Variants in TTC3 observed in about 807,000 individuals in gnomAD.
The protein encoded by TTC3 is E3 ubiquitin-protein ligase TTC3.
A neutral mutation model predicts 249.6 loss-of-function variants in TTC3; 180 were observed. The ratio of observed to expected loss-of-function variants is 0.72; its 90% CI spans 0.64 to 0.82. The LOEUF is 0.82. Ranked by LOEUF, TTC3 falls within the 40% of genes least tolerant of loss-of-function variation. The pLI is 0.00. For synonymous variants in TTC3, 717 were observed against 805.0 expected, an observed-to-expected ratio of 0.89 and a Z score of 1.85; for missense variants, 2,061 against 2,398.4, an observed-to-expected ratio of 0.86 and a Z score of 2.94.
chr21:37,144,032 G>T (rs1379287703), intron 20 of TTC3, among the ~76,000 whole-genome samples: 1 of 151,736 alleles, frequency 6.6e-6, no homozygotes, highest in African/African-American at 2.4e-5. Flanking sequence ...TCGTAGGTGG[G>T]AATTGAACAA....
At chr21:37,079,742 C>T (rs993715686) in intron 1 of TTC3, among the ~76,000 whole-genome samples, 1 of 151,850 alleles carries the variant, frequency 6.6e-6, no homozygotes, top group African/African-American at 2.4e-5. Context: ...CCATGTTGGC[C>T]AGGCTCTTCA....
intron 11 of TTC3, among the ~76,000 whole-genome samples, chr21:37,109,716 G>T (rs181223443): frequency 0.013 from 1,957 of 152,310 alleles, 39 homozygotes; most frequent in African/African-American, 0.044. Flanking sequence ...GAGAGTAGTG[G>T]TTCTCCCAGC....
chr21:37,160,899 CA>C lies in TTC3; in HGVS notation c.3096+45del, dbSNP rs775303330. 1.3e-3 allele frequency: 2,083 copies of C among 1,581,154 alleles called. 4 individuals carry two copies. Among genetic ancestry groups the C allele is most frequent in the Non-Finnish European group, 1.7e-3 (1,980 of 1,158,534 alleles). ...TGTATTAATTCTTGTCTAAACTCTC[CA>C]AAATAGTTAGTTGGACATATACATT... On this transcript the variant is annotated intron_variant, in intron 30 of 45. Coordinates refer to ENST00000355666, the Ensembl canonical transcript of TTC3.
At chr21:37,201,493 T>C in exon 46 of TTC3, 4 of 1,614,042 alleles carry the variant, frequency 2.5e-6, no homozygotes, top group Non-Finnish European at 3.4e-6. Flanking sequence ...GCCAGGGTCG[T>C]GATCTCCTGA....
At chr21:37,094,329 T>C (rs1294312946) in intron 8 of TTC3, among the ~76,000 whole-genome samples, 1 of 152,206 alleles carries the variant, frequency 6.6e-6, no homozygotes, top group Non-Finnish European at 1.5e-5. Flanking sequence ...TGATTTTCTT[T>C]GGTAACAGCT....
intron 28 of TTC3, chr21:37,157,186 A>G (rs1401107116): frequency 7.3e-7 from 1 of 1,361,774 alleles, no homozygotes; most frequent in Non-Finnish European, 9.7e-7. Flanking sequence ...CATGGGAAAG[A>G]TTGCATGTTA....
At chr21:37,082,989 T>C (rs1601245357) in intron 1 of TTC3, 1 of 985,362 alleles carries the variant, frequency 1.0e-6, no homozygotes, top group Non-Finnish European at 1.2e-6. Context: ...AGATGGCAAA[T>C]GGATTGCACA....
At chr21:37,113,066 C>T (rs1328119149) in intron 11 of TTC3, among the ~76,000 whole-genome samples, 1 of 152,186 alleles carries the variant, frequency 6.6e-6, no homozygotes, top group Non-Finnish European at 1.5e-5. Context: ...CTAGCTATGA[C>T]AAACCCACAG....
At chr21:37,082,799 C>G (rs2071883576) in intron 1 of TTC3, 1 of 977,768 alleles carries the variant, frequency 1.0e-6, no homozygotes, top group Non-Finnish European at 1.2e-6. Context: ...CTGATGGGAT[C>G]AGAAGCTCTT....
intron 45 of TTC3, 86 bp from the exon 46 acceptor site, chr21:37,201,354 G>T (rs562961120): frequency 8.9e-6 from 14 of 1,571,562 alleles, no homozygotes; most frequent in South Asian, 5.6e-5. Context: ...AGTGAGCCAC[G>T]CCTGCCAAGG....
rs536478413 is a variant in TTC3 at position 37,097,514 on chromosome 21, A to G, written c.845+871A>G. On this transcript the variant is annotated intron_variant, in intron 10 of 45. Transcript: ENST00000355666. ...CCTGCATAGGTATTAGTTATAATTC[A>G]TATTTGCCTCTGACCTTCAGCTACC... Among the ~76,000 whole-genome samples, 404 of 152,354 alleles carry G rather than the reference A, an allele frequency of 2.7e-3. 1 individual carries two copies. Among genetic ancestry groups the G allele is most frequent in the Non-Finnish European group, 3.4e-3 (229 of 68,040 alleles).
chr21:37,177,902 G>A (rs188168700), intron 35 of TTC3, among the ~76,000 whole-genome samples: 1 of 152,280 alleles, frequency 6.6e-6, no homozygotes, highest in East Asian at 1.9e-4. Context: ...AGGTCTGTGT[G>A]TAGCACAATC....
At chr21:37,113,297 C>T (rs1182122955) in intron 11 of TTC3, among the ~76,000 whole-genome samples, 4 of 152,218 alleles carry the variant, frequency 2.6e-5, no homozygotes, top group African/African-American at 9.7e-5. Flanking sequence ...ACCCCATCGT[C>T]TCAGCCCAAA....
At chr21:37,127,750 A>G (rs2077148560) in intron 15 of TTC3, among the ~76,000 whole-genome samples, 1 of 151,836 alleles carries the variant, frequency 6.6e-6, no homozygotes, top group East Asian at 1.9e-4. Flanking sequence ...AGCCATTTCT[A>G]TTTTTTGTGA....
chr21:37,096,693 AT>A, intron 10 of TTC3, 50 bp downstream of exon 10: 1 of 1,403,324 alleles, frequency 7.1e-7, no homozygotes, highest in East Asian at 2.3e-5. Context: ...CTAAATACCC[AT>A]TTTTGGGAAA....
chr21:37,108,818 C>T (rs2075330990), intron 11 of TTC3, among the ~76,000 whole-genome samples: 1 of 152,126 alleles, frequency 6.6e-6, no homozygotes, highest in Non-Finnish European at 1.5e-5. Context: ...CACAAATCAG[C>T]AGTGAAGACA....
intron 11 of TTC3, among the ~76,000 whole-genome samples, chr21:37,120,018 T>A (rs1018745922): frequency 2.0e-5 from 3 of 152,170 alleles, no homozygotes; most frequent in Non-Finnish European, 4.4e-5. Flanking sequence ...ATTTATTGCT[T>A]TGACCTAGAA....
At chr21:37,150,217 T>A (rs1314659331) in intron 24 of TTC3, 47 bp downstream of exon 24, 1 of 1,329,072 alleles carries the variant, frequency 7.5e-7, no homozygotes, top group Admixed American at 1.8e-5. Context: ...CCAAAATGTT[T>A]ACACCTTTTG....
Position 37,136,201 on chromosome 21 carries a change from T to TAATGACCCTAC in TTC3, c.1578+692_1578+702dup, listed in dbSNP as rs557480329. On this transcript the variant is annotated intron_variant, in intron 18 of 45. Coordinates refer to ENST00000355666, the Ensembl canonical transcript of TTC3. ...GACACGATATTGAAATTAGGCCAATTAATGACCCTACAATGGCCTCTAAGT... is the reference window on the plus strand; with the variant it reads ...GACACGATATTGAAATTAGGCCAATTAATGACCCTACAATGACCCTACAATGGCCTCTAAGT... 7.5e-4 allele frequency among the ~76,000 whole-genome samples: 114 copies of TAATGACCCTAC among 152,220 alleles called. 1 individual carries two copies. The East Asian group carries it at 0.02, about 27-fold the overall frequency.
Sources: gnomAD v4.1 joint callset for allele counts (sites outside exome capture counted in the v4.1 genomes callset) on GRCh38, gnomAD v4.1.1 for gene constraint, MANE v1.5 for transcripts, NCBI Gene and HGNC (gene_info 2026-07-23, HGNC 2026-07-21) for gene names.